Variants in OR14A16 observed in about 807,000 individuals in gnomAD.
OR14A16 encodes the protein olfactory receptor family 14 subfamily A member 16.
For synonymous variants in OR14A16, 135 were observed against 137.6 expected (o/e 0.98, Z 0.13); for missense variants, 341 against 366.5 (o/e 0.93, Z 0.57).
At chr1:247,816,726 C>T (rs535888782) in intron 2 of OR14A16, among the ~76,000 whole-genome samples, 1 of 152,328 alleles carries the variant, frequency 6.6e-6, no homozygotes, top group Non-Finnish European at 1.5e-5. Flanking sequence ...GAGGCTCTGT[C>T]TCAAAACAAA....
chr1:247,814,796 G>A lies in OR14A16; in HGVS notation c.*4C>T. On this transcript the variant is annotated 3_prime_UTR_variant, in exon 3 of 3. Transcript: ENST00000641093. ...TATTATTGAAAGAAGAAAAGCAACA[G>A]CTTTTACTTTTTGGTGAGCTTTCCC... 4 of 1,523,940 alleles carry A rather than the reference G, an allele frequency of 2.6e-6. No individual in the cohort carries two copies. The highest frequency in any genetic ancestry group is 1.4e-5 in the African/African-American group (1 of 71,782). 94.4% of individuals were successfully genotyped at this position (1,523,940 alleles called of 1,614,324 possible).
At chr1:247,818,031 A>G (rs892095789) in intron 2 of OR14A16, among the ~76,000 whole-genome samples, 1 of 152,182 alleles carries the variant, frequency 6.6e-6, no homozygotes, top group Non-Finnish European at 1.5e-5. Context: ...TTTGAGCATC[A>G]GAGAAAAAAT....
chr1:247,815,445 A>C lies in OR14A16; in HGVS notation c.285T>G (p.Cys95Trp). The change falls in exon 3 of 3, where the codon TGT becomes TGG. Residue 95 changes from cysteine to tryptophan, a missense_variant. Physicochemically the swap from Cys to Trp is radical, Grantham distance 215. Coordinates refer to ENST00000641093, the MANE Select transcript of OR14A16 (RefSeq NM_001001966.2). ...AAAGCAACAAAAAGACCTGGGAAAC[A>C]CAGCCAAGGAATGAAATGGAGTTGT... ...IHNNSISFLGCVSQVFLLLSS... is the reference protein window; with the variant it reads ...IHNNSISFLGWVSQVFLLLSS... The C allele has an allele frequency of 6.2e-7, 1 of 1,614,080 alleles. No individual in the cohort carries two copies. The highest frequency in any genetic ancestry group is 1.6e-4 in the Middle Eastern group (1 of 6,062).
intron 2 of OR14A16, among the ~76,000 whole-genome samples, chr1:247,817,634 T>C (rs1198005709): frequency 6.6e-6 from 1 of 152,218 alleles, no homozygotes; most frequent in Non-Finnish European, 1.5e-5. Flanking sequence ...TGATTCTGTC[T>C]GACTGAGCTT....
chr1:247,817,792 A>G (rs1662655181), intron 2 of OR14A16, among the ~76,000 whole-genome samples: 1 of 152,182 alleles, frequency 6.6e-6, no homozygotes, highest in Admixed American at 6.5e-5. Context: ...AACATTTAAT[A>G]CACTTTCAGC....
intron 1 of OR14A16, among the ~76,000 whole-genome samples, chr1:247,820,406 G>A (rs1662710844): frequency 6.6e-6 from 1 of 152,016 alleles, no homozygotes. Context: ...AGGGGACTTA[G>A]TTTTGTTGCT....
chr1:247,818,783 T>A (rs1662674106), intron 2 of OR14A16, among the ~76,000 whole-genome samples: 1 of 152,104 alleles, frequency 6.6e-6, no homozygotes, highest in African/African-American at 2.4e-5. Flanking sequence ...TGAATAAGAT[T>A]TAGTATTTGA....
intron 1 of OR14A16, among the ~76,000 whole-genome samples, chr1:247,823,600 T>C (rs768218757): frequency 1.2e-4 from 18 of 152,140 alleles, no homozygotes; most frequent in Non-Finnish European, 2.1e-4. Flanking sequence ...TCTTCAAGCA[T>C]GCATACAGAA....
Position 247,814,977 on chromosome 1 carries a change from A to G in OR14A16, c.753T>C (p.Thr251=), listed in dbSNP as rs1662579986. ...PHLLVVLFLS[T]GFIAYLKPAS... ...CTGGCTTCAGATAAGCAATGAATCC[A>G]GTGGAAAGAAATAACACAACCAGCA... is the stretch of plus-strand genomic sequence containing the variant. The change falls in exon 3 of 3, where the codon ACT becomes ACC. Residue 251 remains threonine (T), a synonymous_variant. Coordinates refer to ENST00000641093, the MANE Select transcript of OR14A16 (RefSeq NM_001001966.2). 2 of 1,613,930 alleles carry G rather than the reference A, an allele frequency of 1.2e-6. No individual in the cohort carries two copies. Among genetic ancestry groups the G allele is most frequent in the Non-Finnish European group, 1.7e-6 (2 of 1,180,008 alleles).
intron 1 of OR14A16, among the ~76,000 whole-genome samples, chr1:247,821,428 T>C (rs564868340): frequency 3.0e-4 from 46 of 152,382 alleles, no homozygotes; most frequent in African/African-American, 1.1e-3. Context: ...TTGCTTTATA[T>C]ATTTGGTATG....
At chr1:247,822,004 T>C (rs947253942) in intron 1 of OR14A16, among the ~76,000 whole-genome samples, 11 of 152,200 alleles carry the variant, frequency 7.2e-5, no homozygotes, top group African/African-American at 2.2e-4. Context: ...TTTAACTTTA[T>C]CCACATTAAA....
At chr1:247,818,511 T>C (rs1443625542) in intron 2 of OR14A16, among the ~76,000 whole-genome samples, 3 of 152,166 alleles carry the variant, frequency 2.0e-5, no homozygotes, top group Non-Finnish European at 2.9e-5. Flanking sequence ...CACAATGGAG[T>C]ATTATTTACC....
Position 247,815,086 on chromosome 1 carries a change from G to A in OR14A16, c.644C>T (p.Thr215Ile). Reference sequence around the variant, plus strand: ...GACTGTAGAGAAGACGTGGACATAGGTAATGATGATGACAATAAAACAGCA... The same window carrying A: ...GACTGTAGAGAAGACGTGGACATAGATAATGATGATGACAATAAAACAGCA... ...DFCCFIVIII[T>I]YVHVFSTVKK... The change falls in exon 3 of 3, where the codon ACC (threonine) becomes ATC (isoleucine). Residue 215 changes from threonine (T) to isoleucine (I), a missense_variant. Coordinates refer to ENST00000641093, the MANE Select transcript of OR14A16 (RefSeq NM_001001966.2). The A allele has an allele frequency of 6.2e-7, 1 of 1,613,962 alleles. No individual in the cohort carries two copies. The highest frequency in any genetic ancestry group is 1.3e-5 in the African/African-American group (1 of 75,032).
Position 247,815,273 on chromosome 1 carries a change from T to G in OR14A16, c.457A>C (p.Ile153Leu). 1 of 1,613,906 alleles carries G rather than the reference T, an allele frequency of 6.2e-7. No homozygotes were observed. ...ATVSWLYGGL[I>L]AVMHTAGTFS... ...GTGCCAGCTGTGTGCATCACAGCAA[T>G]CAGACCCCCATACAGCCAAGACACA... Residue 153 changes from isoleucine to leucine, a missense_variant, in exon 3 of 3, where the codon ATT becomes CTT. Coordinates refer to ENST00000641093, the MANE Select transcript of OR14A16 (RefSeq NM_001001966.2).
At position 247,819,912 on chromosome 1, in the gene OR14A16, C is replaced by T. The variant is rs889095784; in HGVS notation, c.-130-735G>A. Among the ~76,000 whole-genome samples the T allele has an allele frequency of 3.9e-5, 6 of 152,182 alleles. No homozygotes were observed. The South Asian group carries it at 1.2e-3, about 32-fold the overall frequency. On this transcript the variant is annotated intron_variant, in intron 1 of 2. Transcript: ENST00000641093. ...GATTTATGGCTTTATGATTCTGTAC[C>T]TAATTTGTTTAGAATTTTCATTATG... is the stretch of plus-strand genomic sequence containing the variant.
intron 2 of OR14A16, among the ~76,000 whole-genome samples, chr1:247,817,038 G>T (rs939548303): frequency 5.3e-5 from 8 of 152,148 alleles, no homozygotes; most frequent in Non-Finnish European, 1.0e-4. Context: ...ACAAAATTCA[G>T]ATGGTCTTAC....
At chr1:247,818,094 G>T (rs551737675) in intron 2 of OR14A16, among the ~76,000 whole-genome samples, 2 of 152,182 alleles carry the variant, frequency 1.3e-5, no homozygotes, top group South Asian at 2.1e-4. Context: ...AATTTTAATT[G>T]TTCCCAAATC....
intron 1 of OR14A16, among the ~76,000 whole-genome samples, chr1:247,819,685 T>TGA (rs68194658): frequency 6.6e-6 from 1 of 151,980 alleles, no homozygotes; most frequent in Non-Finnish European, 1.5e-5. Context: ...GCCTTTTGTG[T>TGA]GTATTTAGTA....
In OR14A16 at chr1:247,814,759, A is replaced by G. The variant is rs778966099; in HGVS notation, c.*41T>C. 1 of 1,115,984 alleles carries G rather than the reference A, an allele frequency of 9.0e-7. No individual in the cohort carries two copies. The highest frequency in any genetic ancestry group is 1.3e-6 in the Non-Finnish European group (1 of 788,160). 69.1% of individuals were successfully genotyped at this position (1,115,984 alleles called of 1,614,324 possible). A position where few individuals can be genotyped will look rare whatever the true frequency, so the allele number is the denominator to read the frequency against. ...AATGAAGAATTAATGTGTGTACATT[A>G]TAAATGGTATCTATTATTGAAAGAA... is the stretch of plus-strand genomic sequence containing the variant. On this transcript the variant is annotated 3_prime_UTR_variant, in exon 3 of 3. Coordinates refer to ENST00000641093, the MANE Select transcript of OR14A16 (RefSeq NM_001001966.2).
Sources: gnomAD v4.1 joint callset for allele counts (sites outside exome capture counted in the v4.1 genomes callset) on GRCh38, gnomAD v4.1.1 for gene constraint, MANE v1.5 for transcripts, NCBI Gene and HGNC (gene_info 2026-07-23, HGNC 2026-07-21) for gene names.